The following ZNF608 variants were observed in gnomAD, a reference collection of about 807,000 sequenced individuals.
ZNF608 encodes zinc finger protein 608.
Under a neutral mutation model 109.0 loss-of-function variants are expected in ZNF608, and 12 were observed. The observed-to-expected ratio is 0.11, with a 90% CI of 0.07 to 0.18. The LOEUF (loss-of-function observed/expected upper bound fraction) is 0.18. Ranked by LOEUF, ZNF608 falls within the 10% of genes least tolerant of loss-of-function variation. The pLI is 1.00. For synonymous variants in ZNF608, 732 were observed against 717.4 expected (o/e 1.02, Z -0.33); for missense variants, 1,707 against 1,879.3 (o/e 0.91, Z 1.70).
rs752915969 is a variant in ZNF608 at position 124,744,999 on chromosome 5, G to C, written c.-10C>G. Reference sequence around the variant, plus strand: ...AAATGTTCACTGACATCCTGAAGATGAGCTCTCTAGAATAAAAATCCGATG... The same window carrying C: ...AAATGTTCACTGACATCCTGAAGATCAGCTCTCTAGAATAAAAATCCGATG... On this transcript the variant is annotated 5_prime_UTR_variant, in exon 2 of 10. The change creates a premature stop within an existing upstream ORF in the 5' untranslated region. Transcript: ENST00000513986. This position sits in a 1 kb window ranked among gnomAD's most constrained non-coding sequence, Gnocchi z 4.5. 6.3e-7 allele frequency: 1 copy of C among 1,591,230 alleles called. No homozygotes were observed. Among genetic ancestry groups the C allele is most frequent in the African/African-American group, 1.3e-5 (1 of 74,392 alleles).
intron 2 of ZNF608, among the ~76,000 whole-genome samples, chr5:124,704,054 T>G (rs933892918): frequency 6.6e-6 from 1 of 152,220 alleles, no homozygotes; most frequent in Non-Finnish European, 1.5e-5. Context: ...ACAATTCAAA[T>G]GTAACATGAA....
intron 3 of ZNF608, among the ~76,000 whole-genome samples, chr5:124,664,696 A>T (rs1339551863): frequency 1.3e-5 from 2 of 152,202 alleles, no homozygotes; most frequent in African/African-American, 4.8e-5. Flanking sequence ...GAGCACAGGC[A>T]GTCTGACTTC....
Position 124,650,485 on chromosome 5 carries a change from G to A in ZNF608, c.1163-788C>T, listed in dbSNP as rs186433686. 2.1e-3 allele frequency among the ~76,000 whole-genome samples: 317 copies of A among 152,308 alleles called. 1 individual carries two copies. The highest frequency in any genetic ancestry group is 7.4e-3 in the African/African-American group (309 of 41,562). On this transcript the variant is annotated intron_variant, in intron 3 of 9. Coordinates refer to ENST00000513986, the MANE Select transcript of ZNF608 (RefSeq NM_020747.3). ...AAGAAATCTCAAAACTAACACACTC[G>A]TTTCCTGCAAGCCATTCTGCTTTTT...
intron 9 of ZNF608, 102 bp downstream of exon 9, chr5:124,639,030 AC>A (rs1422117880): frequency 4.5e-6 from 5 of 1,119,820 alleles, no homozygotes; most frequent in Non-Finnish European, 6.5e-6. Flanking sequence ...ATGATATAAA[AC>A]CCAAGGAGTT....
rs1321203692 is a variant in ZNF608 at position 124,637,559 on chromosome 5, T to C, written c.*341A>G. 1.3e-5 allele frequency: 2 copies of C among 154,392 alleles called. No individual in the cohort carries two copies. The highest frequency in any genetic ancestry group is 4.8e-5 in the African/African-American group (2 of 41,460). 9.6% of individuals were successfully genotyped at this position (154,392 alleles called of 1,614,324 possible). ...CTTTTGTGGCTAACACTTTTTAACA[T>C]GACAAATACATTTTTAATTTCCTTT... On this transcript the variant is annotated 3_prime_UTR_variant, in exon 10 of 10. Coordinates refer to ENST00000513986, the MANE Select transcript of ZNF608 (RefSeq NM_020747.3).
At chr5:124,674,511 A>AAAAAATGCATT (rs1328019770) in intron 3 of ZNF608, among the ~76,000 whole-genome samples, 1 of 152,210 alleles carries the variant, frequency 6.6e-6, no homozygotes, top group African/African-American at 2.4e-5. Flanking sequence ...CTAACTCATT[A>AAAAAATGCATT]AAAAAATGCA....
intron 3 of ZNF608, among the ~76,000 whole-genome samples, chr5:124,651,743 G>A (rs1409253539): frequency 6.6e-6 from 1 of 152,242 alleles, no homozygotes; most frequent in African/African-American, 2.4e-5. Context: ...ATTGGCCGGC[G>A]CCCGCTGCGA....
intron 2 of ZNF608, among the ~76,000 whole-genome samples, chr5:124,712,877 G>A (rs1753552086): frequency 6.6e-6 from 1 of 152,138 alleles, no homozygotes; most frequent in Non-Finnish European, 1.5e-5. Context: ...CATGCTGCAA[G>A]TCACCTATTT....
chr5:124,717,427 C>A (rs375818926), intron 2 of ZNF608, among the ~76,000 whole-genome samples: 1 of 152,118 alleles, frequency 6.6e-6, no homozygotes, highest in African/African-American at 2.4e-5. Context: ...GCCAAGATTG[C>A]GCCACTGCAC....
At position 124,647,183 on chromosome 5, in the gene ZNF608, G is replaced by A; in HGVS notation, c.3201C>T (p.Ile1067=). 1 of 1,614,202 alleles carries A rather than the reference G, an allele frequency of 6.2e-7. No homozygotes were observed. Among genetic ancestry groups the A allele is most frequent in the Non-Finnish European group, 8.5e-7 (1 of 1,180,044 alleles). ...ASLQPQHQSV[I]TQRHPALAQS... is the part of the protein sequence containing the mutation. ...GAGCCAGGGCAGGATGTCTTTGTGT[G>A]ATCACCGACTGGTGCTGAGGCTGTA... The change falls in exon 5 of 10, where the codon ATC becomes ATT. Residue 1067 remains isoleucine (I), a synonymous_variant. Transcript: ENST00000513986.
chr5:124,675,811 C>T (rs763907046), intron 3 of ZNF608, among the ~76,000 whole-genome samples: 3 of 152,218 alleles, frequency 2.0e-5, no homozygotes, highest in Non-Finnish European at 4.4e-5. Flanking sequence ...ACAAGACAGA[C>T]TCCATGCCCA....
At chr5:124,687,414 G>C (rs1561560040) in intron 3 of ZNF608, among the ~76,000 whole-genome samples, 1 of 152,118 alleles carries the variant, frequency 6.6e-6, no homozygotes, top group African/African-American at 2.4e-5. Flanking sequence ...GACACCCAAG[G>C]ACTCAAATAC....
intron 2 of ZNF608, among the ~76,000 whole-genome samples, chr5:124,736,175 G>A (rs1424643699): frequency 6.6e-6 from 1 of 152,056 alleles, no homozygotes; most frequent in African/African-American, 2.4e-5. Flanking sequence ...CAAAAGAATT[G>A]GCAAATAACT....
chr5:124,746,757 C>T (rs1440692269), upstream of ZNF608: 1 of 984,442 alleles, frequency 1.0e-6, no homozygotes. Flanking sequence ...TTTTTCCGCC[C>T]GTCCTGACAG....
At chr5:124,660,340 C>T (rs901008085) in intron 3 of ZNF608, among the ~76,000 whole-genome samples, 4 of 152,120 alleles carry the variant, frequency 2.6e-5, no homozygotes, top group East Asian at 1.9e-4. Context: ...TCACCTTTGG[C>T]GGCAGGGTGA....
At chr5:124,644,215 C>T (rs1041498552) in intron 6 of ZNF608, 29 bp downstream of exon 6, 7 of 1,549,814 alleles carry the variant, frequency 4.5e-6, no homozygotes, top group Non-Finnish European at 6.1e-6. Context: ...CCTCTTTCCT[C>T]CAATATAGTC....
intron 3 of ZNF608, among the ~76,000 whole-genome samples, chr5:124,682,276 T>G (rs1451761669): frequency 6.6e-6 from 1 of 152,236 alleles, no homozygotes; most frequent in Non-Finnish European, 1.5e-5. Flanking sequence ...TTTCGCCATG[T>G]TGGCCAGCCT....
chr5:124,648,331 T>C lies in ZNF608; in HGVS notation c.2053A>G (p.Ser685Gly), dbSNP rs138313302. ...AAACTGCCGTCTGCTGCCGAGCAACTGTCTAACGCAGCCGTCATGTTGGAG... is the reference window on the plus strand; with the variant it reads ...AAACTGCCGTCTGCTGCCGAGCAACCGTCTAACGCAGCCGTCATGTTGGAG... ...VISNMTAALD[S>G]CSAADGSLAA... is the part of the protein sequence containing the mutation. The change falls in exon 5 of 10, where the codon AGT becomes GGT. Residue 685 changes from serine (S) to glycine (G), a missense_variant. Ser to Gly is a moderately conservative substitution (Grantham distance 56). Coordinates refer to ENST00000513986, the MANE Select transcript of ZNF608 (RefSeq NM_020747.3). 65 of 1,614,114 alleles carry C rather than the reference T, an allele frequency of 4.0e-5. No homozygotes were observed. The African/African-American group carries it at 4.9e-4, about 12-fold the overall frequency.
rs547963137 is a variant in ZNF608, at chr5:124,691,235, A to G, written c.1162+9779T>C. 1.6e-3 allele frequency among the ~76,000 whole-genome samples: 238 copies of G among 152,226 alleles called. 1 individual carries two copies. The highest frequency in any genetic ancestry group is 5.5e-3 in the African/African-American group (228 of 41,534). On this transcript the variant is annotated intron_variant, in intron 3 of 9. Coordinates refer to ENST00000513986, the MANE Select transcript of ZNF608 (RefSeq NM_020747.3). ...GGCTGCACTCCAGGCTGGGTGACAT[A>G]GCAAGACCCTGTCTCTTTTATTTAA...
Sources: gnomAD v4.1 joint callset for allele counts (sites outside exome capture counted in the v4.1 genomes callset) on GRCh38, gnomAD v4.1.1 for gene constraint, Gnocchi (gnomAD v3.1) non-coding constraint, MANE v1.5 for transcripts, NCBI Gene and HGNC (gene_info 2026-07-23, HGNC 2026-07-21) for gene names.